The following TSHZ3 variants were observed in gnomAD, a reference collection of about 807,000 sequenced individuals.
The protein encoded by TSHZ3 is teashirt homolog 3.
TSHZ3 carries 10 observed loss-of-function variants against 64.5 expected under a neutral mutation model. The ratio of observed to expected loss-of-function variants is 0.16; its 90% CI spans 0.10 to 0.26. TSHZ3 has a LOEUF of 0.26. Among genes scored for constraint, TSHZ3 ranks in the 10% least tolerant of loss-of-function variants. TSHZ3 has a pLI of 1.00. For synonymous variants in TSHZ3, 608 were observed against 593.1 expected, an observed-to-expected ratio of 1.03 and a Z score of -0.36; for missense variants, 1,242 against 1,421.7, an observed-to-expected ratio of 0.87 and a Z score of 2.03.
chr19:31,190,728 C>T (rs1187545482), intron 5 of TSHZ3, among the ~76,000 whole-genome samples: 1 of 151,948 alleles, frequency 6.6e-6, no homozygotes, highest in Non-Finnish European at 1.5e-5. Flanking sequence ...TAGAAATCGA[C>T]TCTGAAATGA....
At position 31,295,721 on chromosome 19, in the gene TSHZ3, A is replaced by C. The variant is rs144335767; in HGVS notation, c.41-15969T>G. Among the ~76,000 whole-genome samples the C allele has an allele frequency of 2.8e-4, 43 of 151,956 alleles. No homozygotes were observed. The East Asian group carries it at 7.7e-3, about 27-fold the overall frequency. On this transcript the variant is annotated intron_variant, in intron 1 of 1. Transcript: ENST00000240587. Reference sequence around the variant, plus strand: ...TTCACCTGGGGAAAATTCCACCTACACTTATATTCGTATGCTGGCCTTTTT... The same window carrying C: ...TTCACCTGGGGAAAATTCCACCTACCCTTATATTCGTATGCTGGCCTTTTT...
intron 3 of TSHZ3, among the ~76,000 whole-genome samples, chr19:31,229,992 C>T (rs1311180345): frequency 6.6e-6 from 1 of 152,118 alleles, no homozygotes; most frequent in Non-Finnish European, 1.5e-5. Context: ...GGTAACTTGG[C>T]AAAATTCTTT....
rs1210794264 is a variant in TSHZ3 at position 31,321,380 on chromosome 19, G to A, written c.40+27800C>T. ...TTCACAGTGCCCCTAGGACATGCCCGGTGGCGTCATCACATGGCTCACCAC... is the reference window on the plus strand; with the variant it reads ...TTCACAGTGCCCCTAGGACATGCCCAGTGGCGTCATCACATGGCTCACCAC... On this transcript the variant is annotated intron_variant, in intron 1 of 1. Transcript: ENST00000240587. 5.3e-5 allele frequency among the ~76,000 whole-genome samples: 8 copies of A among 152,248 alleles called. No individual in the cohort carries two copies. In the East Asian group the frequency reaches 7.7e-4, roughly 15 times the overall value.
chr19:31,249,343 A>G (rs1975803207), intron 1 of TSHZ3, among the ~76,000 whole-genome samples: 1 of 152,118 alleles, frequency 6.6e-6, no homozygotes, highest in South Asian at 2.1e-4. Flanking sequence ...GCGCAGTTGG[A>G]TCTAGCTTTG....
chr19:31,318,491 TA>T (rs1438028243), intron 1 of TSHZ3, among the ~76,000 whole-genome samples: 1 of 152,224 alleles, frequency 6.6e-6, no homozygotes, highest in Non-Finnish European at 1.5e-5. Context: ...ATTCTATTCA[TA>T]AAAAATGATA....
chr19:31,335,103 T>C lies in TSHZ3; in HGVS notation c.40+14077A>G, dbSNP rs370522375. Among the ~76,000 whole-genome samples, 52 of 152,300 alleles carry C rather than the reference T, an allele frequency of 3.4e-4. No individual in the cohort carries two copies. In the East Asian group the frequency reaches 7.5e-3, roughly 22 times the overall value. On this transcript the variant is annotated intron_variant, in intron 1 of 1. Transcript: ENST00000240587. ...TTCACCCATTGCTTGTTTTCCCATT[T>C]TTAAGAGGGAGCAAATCTCACTCTA...
At position 31,238,255 on chromosome 19, in the gene TSHZ3, A is replaced by ATTTT. The variant is rs372232422; in HGVS notation, n.550+4010_550+4013dup. 4.5e-3 allele frequency among the ~76,000 whole-genome samples: 604 copies of ATTTT among 134,558 alleles called. 5 individuals are homozygous for ATTTT. The highest frequency in any genetic ancestry group is 0.016 in the African/African-American group (574 of 36,346). The allele number at this position is 134,558 out of a possible 152,430, so 88.3% of individuals were successfully genotyped here. A position where few individuals can be genotyped will look rare whatever the true frequency, so the allele number is the denominator to read the frequency against. On this transcript the variant is annotated intron_variant and non_coding_transcript_variant, in intron 3 of 6. Coordinates refer to the TSHZ3 transcript ENST00000651361. ...ATTTCTGTTAATGTTTCCTTCGTGA[A>ATTTT]TTTTTTTTTTTTTTTTTTGAGACAG...
At chr19:31,303,548 G>A (rs1270559829) in intron 1 of TSHZ3, among the ~76,000 whole-genome samples, 1 of 149,724 alleles carries the variant, frequency 6.7e-6, no homozygotes, top group African/African-American at 2.5e-5. Context: ...CTGAGTGGAC[G>A]GAATCACTCA....
chr19:31,217,676 C>T (rs1467905227), intron 4 of TSHZ3, among the ~76,000 whole-genome samples: 2 of 152,070 alleles, frequency 1.3e-5, no homozygotes, highest in Non-Finnish European at 2.9e-5. Context: ...CCATAGTTTA[C>T]GTAAGGGTTC....
intron 1 of TSHZ3, among the ~76,000 whole-genome samples, chr19:31,287,500 G>C (rs1456788678): frequency 6.6e-6 from 1 of 152,032 alleles, no homozygotes; most frequent in Non-Finnish European, 1.5e-5. Context: ...GAGAAGAAAG[G>C]ACCGAAGAGG....
intron 1 of TSHZ3, among the ~76,000 whole-genome samples, chr19:31,288,155 TTAAC>T (rs2079034523): frequency 6.6e-6 from 1 of 152,070 alleles, no homozygotes; most frequent in African/African-American, 2.4e-5. Flanking sequence ...AAATAATAAT[TTAAC>T]TAGCCGAAGG....
intron 1 of TSHZ3, among the ~76,000 whole-genome samples, chr19:31,257,624 C>T (rs970880259): frequency 6.6e-6 from 1 of 151,352 alleles, no homozygotes; most frequent in Non-Finnish European, 1.5e-5. Flanking sequence ...CCAGGACCTG[C>T]TAAGTCACTG....
intron 1 of TSHZ3, among the ~76,000 whole-genome samples, chr19:31,243,766 C>A (rs1975726791): frequency 6.6e-6 from 1 of 152,118 alleles, no homozygotes; most frequent in South Asian, 2.1e-4. Context: ...GGAGCTGGGT[C>A]CCCTCTCTGT....
intron 1 of TSHZ3, among the ~76,000 whole-genome samples, chr19:31,286,787 G>A (rs1361190369): frequency 6.6e-6 from 1 of 152,160 alleles, no homozygotes; most frequent in South Asian, 2.1e-4. Context: ...CTTCCAGGAG[G>A]GTCCAGCATC....
intron 1 of TSHZ3, among the ~76,000 whole-genome samples, chr19:31,309,780 A>C (rs1274022307): frequency 6.6e-6 from 1 of 152,172 alleles, no homozygotes; most frequent in East Asian, 1.9e-4. Context: ...ACTTTCAGGA[A>C]GCTGTCGCCA....
At chr19:31,274,696 A>G (rs1976195408), downstream of TSHZ3, among the ~76,000 whole-genome samples, 1 of 151,662 alleles carries the variant, frequency 6.6e-6, no homozygotes. Flanking sequence ...CCTTATAGGC[A>G]TATCTTCCTT....
intron 5 of TSHZ3, among the ~76,000 whole-genome samples, chr19:31,173,109 T>A (rs879808453): frequency 6.6e-6 from 1 of 152,176 alleles, no homozygotes; most frequent in Non-Finnish European, 1.5e-5. Flanking sequence ...AAAAGGAAGA[T>A]CCAATGACCA....
intron 5 of TSHZ3, among the ~76,000 whole-genome samples, chr19:31,158,445 C>A (rs745361183): frequency 6.6e-6 from 1 of 152,088 alleles, no homozygotes; most frequent in Non-Finnish European, 1.5e-5. Flanking sequence ...GTGAGAAGTT[C>A]AATGCAGGCT....
chr19:31,350,409 AC>A (rs2021683960), upstream of TSHZ3, among the ~76,000 whole-genome samples: 1 of 146,480 alleles, frequency 6.8e-6, no homozygotes, highest in Non-Finnish European at 1.5e-5. Flanking sequence ...GGGTCCCTCC[AC>A]CCCGCCCCTC....
Sources: allele counts gnomAD v4.1 joint callset (sites outside exome capture counted in the v4.1 genomes callset), GRCh38; gene constraint gnomAD v4.1.1; transcripts MANE v1.5; gene names NCBI Gene and HGNC (gene_info 2026-07-23, HGNC 2026-07-21).